The following FMN2 variants were observed in gnomAD, a reference collection of about 807,000 sequenced individuals.
FMN2 encodes the protein formin 2.
In FMN2, 51 loss-of-function variants were observed where a neutral mutation model predicts 142.3. The ratio of observed to expected loss-of-function variants is 0.36; its 90% confidence interval spans 0.29 to 0.45. FMN2 has a LOEUF of 0.45. Ranked by LOEUF, FMN2 falls within the 20% of genes least tolerant of loss-of-function variation. The pLI is 1.00. For synonymous variants in FMN2, 882 were observed against 869.8 expected, an observed-to-expected ratio of 1.01 and a Z score of -0.25; for missense variants, 1,936 against 2,122.8, an observed-to-expected ratio of 0.91 and a Z score of 1.73.
intron 14 of FMN2, among the ~76,000 whole-genome samples, chr1:240,374,572 T>C (rs890699122): frequency 6.6e-6 from 1 of 152,196 alleles, no homozygotes; most frequent in Non-Finnish European, 1.5e-5. Context: ...AACTGACCTC[T>C]ATTGGCTTCA....
chr1:240,394,989 T>G (rs1673727731), intron 15 of FMN2, among the ~76,000 whole-genome samples: 1 of 152,022 alleles, frequency 6.6e-6, no homozygotes, highest in Admixed American at 6.6e-5. Context: ...AATAAATAAA[T>G]TTTTTAAAAA....
At position 240,092,428 on chromosome 1, in the gene FMN2, G is replaced by A; in HGVS notation, c.319G>A (p.Glu107Lys). Reference sequence around the variant, plus strand: ...GGATTCCCAGGCCCTGCAGACCGGGGAGCTGGACAGCGCTCACTCCCTGCT... The same window carrying A: ...GGATTCCCAGGCCCTGCAGACCGGGAAGCTGGACAGCGCTCACTCCCTGCT... Reference protein sequence around the residue: ...VLDSQALQTGELDSAHSLLTK... With the variant: ...VLDSQALQTGKLDSAHSLLTK... Residue 107 changes from glutamate (E) to lysine (K), a missense_variant, in exon 1 of 18, where the codon GAG becomes AAG. Around this residue, in one of 8 missense-constraint regions of FMN2, gnomAD observed 751 missense variants for 791.8 expected, o/e 0.95. Coordinates refer to ENST00000319653, the MANE Select transcript of FMN2 (RefSeq NM_020066.5). 1 of 1,611,790 alleles carries A rather than the reference G, an allele frequency of 6.2e-7. No homozygotes were observed.
At chr1:240,252,128 C>G (rs1668297457) in intron 6 of FMN2, among the ~76,000 whole-genome samples, 1 of 152,120 alleles carries the variant, frequency 6.6e-6, no homozygotes, top group Non-Finnish European at 1.5e-5. Flanking sequence ...AGGTTGGTCT[C>G]AAACTCCTGA....
intron 6 of FMN2, among the ~76,000 whole-genome samples, chr1:240,248,178 A>G (rs1173198206): frequency 6.6e-6 from 1 of 151,892 alleles, no homozygotes; most frequent in Non-Finnish European, 1.5e-5. Flanking sequence ...TCACTCCCAC[A>G]TATGAGTGAG....
At chr1:240,421,554 A>G (rs568606553) in intron 15 of FMN2, among the ~76,000 whole-genome samples, 1 of 152,280 alleles carries the variant, frequency 6.6e-6, no homozygotes, top group East Asian at 1.9e-4. Context: ...TGAAAAAACT[A>G]TTCTTTCTCC....
At position 240,092,474 on chromosome 1, in the gene FMN2, G is replaced by C. The variant is rs752474750; in HGVS notation, c.365G>C (p.Ser122Thr). The change falls in exon 1 of 18, where the codon AGC (serine) becomes ACC (threonine). Residue 122 changes from serine to threonine, a missense_variant. Physicochemically the swap from Ser to Thr is moderately conservative, Grantham distance 58. Transcript: ENST00000319653. ...CTGCTCACCAAGACTCCAGACCTCA[G>C]CCTCTCGGCGGACGAGGCCGGCCTG... The part of the protein sequence containing the change: ...HSLLTKTPDL[S>T]LSADEAGLSD... 6.2e-7 allele frequency: 1 copy of C among 1,608,780 alleles called. No individual in the cohort carries two copies. Among genetic ancestry groups the C allele is most frequent in the East Asian group, 2.2e-5 (1 of 44,632 alleles).
chr1:240,196,407 A>T (rs1024454491), intron 4 of FMN2, among the ~76,000 whole-genome samples: 2 of 152,202 alleles, frequency 1.3e-5, no homozygotes, highest in Admixed American at 1.3e-4. Flanking sequence ...AGACTTCAGT[A>T]TCAACTGGGA....
At position 240,197,157 on chromosome 1, in the gene FMN2, C is replaced by A. The variant is rs1293822611; in HGVS notation, c.1986+8895C>A. On this transcript the variant is annotated intron_variant, in intron 4 of 17. Transcript: ENST00000319653. ...GAGGGGCTGAAGGTTAAGTTGGTCACCAGTGCCCAGTGATGTAGTTAATCG... is the reference window on the plus strand; with the variant it reads ...GAGGGGCTGAAGGTTAAGTTGGTCAACAGTGCCCAGTGATGTAGTTAATCG... Among the ~76,000 whole-genome samples, 7 of 152,132 alleles carry A rather than the reference C, an allele frequency of 4.6e-5. No homozygotes were observed. The East Asian group carries it at 1.4e-3, about 29-fold the overall frequency.
In FMN2 at chr1:240,473,307, C is replaced by A. The variant is rs1211917264; in HGVS notation, c.5143-821C>A. On this transcript the variant is annotated intron_variant, in intron 17 of 17. Transcript: ENST00000319653. The surrounding 1 kb of genome is among the most constrained non-coding windows in gnomAD (Gnocchi z 4.3). Reference sequence around the variant, plus strand: ...TGCTTGCCCACTCCCCGCTTTAAAACAAAATGCCAGGTTATCCACCCTGGG... The same window carrying A: ...TGCTTGCCCACTCCCCGCTTTAAAAAAAAATGCCAGGTTATCCACCCTGGG... 6.6e-6 allele frequency among the ~76,000 whole-genome samples: 1 copy of A among 152,104 alleles called. No individual in the cohort carries two copies. The highest frequency in any genetic ancestry group is 1.5e-5 in the Non-Finnish European group (1 of 67,994).
intron 13 of FMN2, among the ~76,000 whole-genome samples, chr1:240,353,162 T>G (rs1479836970): frequency 6.6e-6 from 1 of 152,226 alleles, no homozygotes; most frequent in Non-Finnish European, 1.5e-5. Context: ...TATTTTATCT[T>G]ACACTTCCTT....
intron 2 of FMN2, among the ~76,000 whole-genome samples, chr1:240,137,400 C>T (rs879617198): frequency 7.9e-5 from 12 of 152,112 alleles, no homozygotes; most frequent in Admixed American, 4.6e-4. Flanking sequence ...ACGGACAATA[C>T]GCCACTAATA....
intron 8 of FMN2, among the ~76,000 whole-genome samples, chr1:240,328,473 A>G (rs1671269223): frequency 6.6e-6 from 1 of 152,036 alleles, no homozygotes; most frequent in Non-Finnish European, 1.5e-5. Context: ...TGAATGAATA[A>G]ACATTTCTCA....
At chr1:240,371,412 A>C (rs1184129684) in intron 14 of FMN2, among the ~76,000 whole-genome samples, 2 of 152,190 alleles carry the variant, frequency 1.3e-5, no homozygotes, top group Non-Finnish European at 2.9e-5. Flanking sequence ...CTGACCAAAT[A>C]AATGGTTGTG....
At chr1:240,118,628 C>T (rs1353163151) in intron 1 of FMN2, among the ~76,000 whole-genome samples, 6 of 152,242 alleles carry the variant, frequency 3.9e-5, no homozygotes, top group East Asian at 1.9e-4. Flanking sequence ...GGAGGTTGTA[C>T]GGTTCCTGAT....
At chr1:240,141,550 A>G (rs1242244098) in intron 2 of FMN2, among the ~76,000 whole-genome samples, 2 of 151,888 alleles carry the variant, frequency 1.3e-5, no homozygotes, top group Non-Finnish European at 2.9e-5. Flanking sequence ...TTATATTTTT[A>G]GTAGAGATGG....
chr1:240,148,143 C>G (rs1316101541), intron 2 of FMN2, among the ~76,000 whole-genome samples: 1 of 152,066 alleles, frequency 6.6e-6, no homozygotes, highest in Non-Finnish European at 1.5e-5. Flanking sequence ...AACTGAGAAA[C>G]TGCTCAGCCA....
At chr1:240,409,304 G>A (rs915352053) in intron 15 of FMN2, among the ~76,000 whole-genome samples, 2 of 152,068 alleles carry the variant, frequency 1.3e-5, no homozygotes, top group Admixed American at 1.3e-4. Context: ...ACCACGCCCA[G>A]TTAATTTTTT....
chr1:240,106,885 T>C (rs551180937), intron 1 of FMN2, among the ~76,000 whole-genome samples: 1 of 151,912 alleles, frequency 6.6e-6, no homozygotes, highest in African/African-American at 2.4e-5. Context: ...GGTTTCACCA[T>C]GTTGGCCAGG....
chr1:240,233,860 A>G (rs931610948), intron 6 of FMN2, among the ~76,000 whole-genome samples: 1 of 152,136 alleles, frequency 6.6e-6, no homozygotes, highest in African/African-American at 2.4e-5. Flanking sequence ...AACAAGCAAA[A>G]TAGCCCATTT....
Sources: gnomAD v4.1 joint callset for allele counts (sites outside exome capture counted in the v4.1 genomes callset) on GRCh38, gnomAD v4.1.1 for gene constraint, gnomAD v4.1.1 regional missense constraint, Gnocchi (gnomAD v3.1) non-coding constraint, MANE v1.5 for transcripts, NCBI Gene and HGNC (gene_info 2026-07-23, HGNC 2026-07-21) for gene names.